Variants in SERPINA7 observed in about 807,000 individuals in gnomAD.
SERPINA7 encodes serpin family A member 7, also known as thyroxine-binding globulin.
Under a neutral mutation model 16.0 loss-of-function variants are expected in SERPINA7, and 14 were observed. The ratio of observed to expected loss-of-function variants is 0.88; its 90% CI spans 0.58 to 1.37. SERPINA7 has a LOEUF of 1.37. Ranked by LOEUF, SERPINA7 falls within the 40% of genes most tolerant of loss-of-function variation. SERPINA7 has a pLI of 0.00. For missense variants in SERPINA7, 335 were observed against 296.6 expected (o/e 1.13, Z -0.95); for synonymous variants, 140 against 111.0 (o/e 1.26, Z -1.65).
chrX:106,033,494 T>C lies in SERPINA7; in HGVS notation c.*6A>G, dbSNP rs1007686733. ...ACGTGCAATTAGCCAATGGCCTTTT[T>C]CCCAACTACGCTTCCGTTGGGTTCA... is the stretch of plus-strand genomic sequence containing the variant. On this transcript the variant is annotated 3_prime_UTR_variant, in exon 5 of 5. Coordinates refer to ENST00000372563, the MANE Select transcript of SERPINA7 (RefSeq NM_000354.6). 4.1e-5 allele frequency: 49 copies of C among 1,208,878 alleles called. No individual in the cohort carries two copies. Among genetic ancestry groups the C allele is most frequent in the Non-Finnish European group, 5.3e-5 (47 of 894,253 alleles).
chrX:106,032,880 A>G lies in SERPINA7; in HGVS notation c.*620T>C, dbSNP rs1041503516. On this transcript the variant is annotated 3_prime_UTR_variant, in exon 5 of 5. Coordinates refer to ENST00000372563, the MANE Select transcript of SERPINA7 (RefSeq NM_000354.6). ...GCTTATACATTGGCAAGGTGGAAGT[A>G]TGTTTTCTTGGGGGGAAGGTGGGGT... The G allele has an allele frequency of 1.8e-5, 2 of 114,071 alleles. No individual in the cohort carries two copies. The highest frequency in any genetic ancestry group is 3.7e-5 in the Non-Finnish European group (2 of 54,790). The allele number at this position is 114,071 out of a possible 1,213,427, so 9.4% of individuals were successfully genotyped here.
rs1470947153 is a variant in SERPINA7, at chrX:106,033,070, A to G, written c.*430T>C. 2 of 177,653 alleles carry G rather than the reference A, an allele frequency of 1.1e-5. No homozygotes were observed. Among genetic ancestry groups the G allele is most frequent in the Non-Finnish European group, 2.1e-5 (2 of 95,726 alleles). 14.6% of individuals were successfully genotyped at this position (177,653 alleles called of 1,213,427 possible). A position where few individuals can be genotyped will look rare whatever the true frequency, so the allele number is the denominator to read the frequency against. ...GAATCCTACTAATGGGACAGTGGGA[A>G]GGGGGTTGAGAAGTTCACATATAAG... On this transcript the variant is annotated 3_prime_UTR_variant, in exon 5 of 5. Coordinates refer to ENST00000372563, the MANE Select transcript of SERPINA7 (RefSeq NM_000354.6).
intron 4 of SERPINA7, 114 bp downstream of exon 4, chrX:106,034,121 A>C (rs2041429666): frequency 1.6e-4 from 121 of 736,817 alleles, no homozygotes; most frequent in Non-Finnish European, 2.4e-4. Flanking sequence ...AGGAGGAGTC[A>C]CACCGCCTCT....
chrX:106,034,832 T>C (rs1179036610), intron 3 of SERPINA7, among the ~76,000 whole-genome samples: 6 of 111,832 alleles, frequency 5.4e-5, no homozygotes, highest in African/African-American at 2.0e-4. Flanking sequence ...AGGCTGACTT[T>C]GGGGAGCTCA....
Position 106,036,768 on chromosome X carries a change from C to T in SERPINA7, c.291G>A (p.Gly97=), listed in dbSNP as rs1326357939. ...STQTEIVETL[G]FNLTDTPMVE... ...CCATTGGAGTGTCTGTGAGGTTGAACCCCAAGGTCTCCACAATCTCAGTTT... is the reference window on the plus strand; with the variant it reads ...CCATTGGAGTGTCTGTGAGGTTGAATCCCAAGGTCTCCACAATCTCAGTTT... The change falls in exon 2 of 5, where the codon GGG becomes GGA. Residue 97 remains glycine, a synonymous_variant. Coordinates refer to ENST00000372563, the MANE Select transcript of SERPINA7 (RefSeq NM_000354.6). 1 of 1,208,798 alleles carries T rather than the reference C, an allele frequency of 8.3e-7. No homozygotes were observed. Among genetic ancestry groups the T allele is most frequent in the Non-Finnish European group, 1.1e-6 (1 of 894,724 alleles).
chrX:106,032,735 G>A lies in SERPINA7; in HGVS notation c.*765C>T, dbSNP rs1475104149. 9.0e-6 allele frequency: 1 copy of A among 111,594 alleles called. No individual in the cohort carries two copies. Among genetic ancestry groups the A allele is most frequent in the Non-Finnish European group, 1.9e-5 (1 of 53,134 alleles). The allele number at this position is 111,594 out of a possible 1,213,427, so 9.2% of individuals were successfully genotyped here. On this transcript the variant is annotated 3_prime_UTR_variant, in exon 5 of 5. Transcript: ENST00000372563. The stretch of plus-strand genomic sequence containing the variant: ...TCAGTGAAATTAGAGCCAAAAAGGA[G>A]ATTCCTACTTAAACAAGTGGGACAG...
chrX:106,036,575 C>A lies in SERPINA7; in HGVS notation c.484G>T (p.Asp162Tyr), dbSNP rs202158938. Residue 162 changes from aspartate (D) to tyrosine (Y), a missense_variant, in exon 2 of 5, where the codon GAC becomes TAC. Physicochemically the swap from Asp to Tyr is radical, Grantham distance 160. Coordinates refer to ENST00000372563, the MANE Select transcript of SERPINA7 (RefSeq NM_000354.6). Reference protein sequence around the residue: ...TLYETEVFSTDFSNISAAKQE... With the variant: ...TLYETEVFSTYFSNISAAKQE... ...TTGGCTGCAGAAATGTTGGAGAAGT[C>A]GGTAGAAAAGACTTCAGTCTCATAG... 1 of 1,210,991 alleles carries A rather than the reference C, an allele frequency of 8.3e-7. No individual in the cohort carries two copies. Among genetic ancestry groups the A allele is most frequent in the Non-Finnish European group, 1.1e-6 (1 of 895,136 alleles).
rs1427634820 is a variant in SERPINA7, at chrX:106,033,149, C to T, written c.*351G>A. On this transcript the variant is annotated 3_prime_UTR_variant, in exon 5 of 5. Coordinates refer to ENST00000372563, the MANE Select transcript of SERPINA7 (RefSeq NM_000354.6). ...TTGATCTTATTGGAGTACTGGGATA[C>T]GAAGACCTGACCTGCTTTTTAGCTA... The T allele has an allele frequency of 2.6e-5, 7 of 264,445 alleles. No homozygotes were observed. The highest frequency in any genetic ancestry group is 8.9e-5 in the South Asian group (2 of 22,556). The allele number at this position is 264,445 out of a possible 1,213,427, so 21.8% of individuals were successfully genotyped here.
intron 1 of SERPINA7, 118 bp downstream of exon 1, chrX:106,038,580 C>A (rs2041468914): frequency 9.0e-6 from 1 of 111,232 alleles, no homozygotes. Flanking sequence ...CACACTTAGA[C>A]CTTCACCCCT....
rs1407163553 is a variant in SERPINA7, at chrX:106,038,685, A to G, written c.-18+13T>C. 1 of 111,843 alleles carries G rather than the reference A, an allele frequency of 8.9e-6. No individual in the cohort carries two copies. Among genetic ancestry groups the G allele is most frequent in the Non-Finnish European group, 1.9e-5 (1 of 53,138 alleles). The allele number at this position is 111,843 out of a possible 1,213,427, so 9.2% of individuals were successfully genotyped here. On this transcript the variant is annotated intron_variant, in intron 1 of 4. Coordinates refer to ENST00000372563, the MANE Select transcript of SERPINA7 (RefSeq NM_000354.6). ...AGATGTTCAAAGTTTCCAAAGAGAA[A>G]AAAAGTACTTACAGCAAATGCCCAA...
At position 106,035,120 on chromosome X, in the gene SERPINA7, T is replaced by C. The variant is rs1398775154; in HGVS notation, c.888A>G (p.Leu296=). ...SKTLKKWNRL[L]QKGWVDLFVP... ...TCCTCTAAGGCATTTACCCCTTCTG[T>C]AGTAAGCGGTTCCACTTCTTCAGTG... Residue 296 remains leucine, a synonymous_variant, in exon 3 of 5, where the codon CTA becomes CTG. Coordinates refer to ENST00000372563, the MANE Select transcript of SERPINA7 (RefSeq NM_000354.6). 8.3e-7 allele frequency: 1 copy of C among 1,211,307 alleles called. No homozygotes were observed. Among genetic ancestry groups the C allele is most frequent in the South Asian group, 1.8e-5 (1 of 56,975 alleles).
rs1321383596 is a variant in SERPINA7 at position 106,033,568 on chromosome X, A to G, written c.1180T>C (p.Leu394=). ...CTCCTTGTGCTTCTCTCCAAAATCAACAACATGAAAGATCTATCAATTTGG... is the reference window on the plus strand; with the variant it reads ...CTCCTTGTGCTTCTCTCCAAAATCAGCAACATGAAAGATCTATCAATTTGG... ...IIQIDRSFML[L]ILERSTRSIL... The change falls in exon 5 of 5, where the codon TTG becomes CTG. Residue 394 remains leucine (L), a synonymous_variant. Coordinates refer to ENST00000372563, the MANE Select transcript of SERPINA7 (RefSeq NM_000354.6). 9 of 1,209,335 alleles carry G rather than the reference A, an allele frequency of 7.4e-6. 1 individual carries two copies. Among genetic ancestry groups the G allele is most frequent in the Non-Finnish European group, 1.0e-5 (9 of 894,488 alleles).
chrX:106,034,440 T>G, intron 3 of SERPINA7, 58 bp from the exon 4 acceptor site: 6 of 985,031 alleles, frequency 6.1e-6, no homozygotes, highest in Middle Eastern at 2.6e-4. Flanking sequence ...TATGATTCTC[T>G]CCTTCTCTCT....
chrX:106,037,133 T>C lies in SERPINA7; in HGVS notation c.-17-58A>G, dbSNP rs1356464812. The stretch of plus-strand genomic sequence containing the variant: ...GAGCTTAGTTGGATGAAACACTCCC[T>C]GAGCCAGAGACACATAATAACCACC... On this transcript the variant is annotated intron_variant, in intron 1 of 4. Coordinates refer to ENST00000372563, the MANE Select transcript of SERPINA7 (RefSeq NM_000354.6). 4 of 956,487 alleles carry C rather than the reference T, an allele frequency of 4.2e-6. No individual in the cohort carries two copies. The Admixed American group carries it at 6.7e-5, about 16-fold the overall frequency. The allele number at this position is 956,487 out of a possible 1,213,427, so 78.8% of individuals were successfully genotyped here.
Position 106,033,240 on chromosome X carries a change from A to T in SERPINA7, c.*260T>A, listed in dbSNP as rs1056044927. 3 of 382,872 alleles carry T rather than the reference A, an allele frequency of 7.8e-6. No homozygotes were observed. Among genetic ancestry groups the T allele is most frequent in the Admixed American group, 4.4e-5 (1 of 22,855 alleles). 31.6% of individuals were successfully genotyped at this position (382,872 alleles called of 1,213,427 possible). The stretch of plus-strand genomic sequence containing the variant: ...CAAATTTATTAGAGCAAATGAGTTG[A>T]GGGGTATTCTGACAAAGAGAAATAT... On this transcript the variant is annotated 3_prime_UTR_variant, in exon 5 of 5. Coordinates refer to ENST00000372563, the MANE Select transcript of SERPINA7 (RefSeq NM_000354.6).
chrX:106,035,979 A>C (rs2041446180), intron 2 of SERPINA7, among the ~76,000 whole-genome samples: 1 of 112,382 alleles, frequency 8.9e-6, no homozygotes, highest in Non-Finnish European at 1.9e-5. Flanking sequence ...TGATTGAGAC[A>C]GTGTGTGTAT....
In SERPINA7 at chrX:106,033,334, A is replaced by G. The variant is rs1220801298; in HGVS notation, c.*166T>C. The G allele has an allele frequency of 2.2e-5, 12 of 554,759 alleles. No individual in the cohort carries two copies. The highest frequency in any genetic ancestry group is 5.0e-5 in the Admixed American group (2 of 40,017). The allele number at this position is 554,759 out of a possible 1,213,427, so 45.7% of individuals were successfully genotyped here. On this transcript the variant is annotated 3_prime_UTR_variant, in exon 5 of 5. Coordinates refer to ENST00000372563, the MANE Select transcript of SERPINA7 (RefSeq NM_000354.6). ...TCATTGACATTCTGAATGCTCTGCC[A>G]TAGGATTGGCCTCTTCCACAGCCAA...
Position 106,033,245 on chromosome X carries a change from T to A in SERPINA7, c.*255A>T, listed in dbSNP as rs1452601426. ...TTATTAGAGCAAATGAGTTGAGGGGTATTCTGACAAAGAGAAATATACAAA... is the reference window on the plus strand; with the variant it reads ...TTATTAGAGCAAATGAGTTGAGGGGAATTCTGACAAAGAGAAATATACAAA... On this transcript the variant is annotated 3_prime_UTR_variant, in exon 5 of 5. Transcript: ENST00000372563. 3.4e-5 allele frequency: 13 copies of A among 388,037 alleles called. No individual in the cohort carries two copies. Among genetic ancestry groups the A allele is most frequent in the African/African-American group, 3.3e-4 (13 of 39,164 alleles). The allele number at this position is 388,037 out of a possible 1,213,427, so 32.0% of individuals were successfully genotyped here. A position where few individuals can be genotyped will look rare whatever the true frequency, so the allele number is the denominator to read the frequency against.
intron 2 of SERPINA7, among the ~76,000 whole-genome samples, chrX:106,035,768 G>A (rs2041444729): frequency 2.7e-5 from 3 of 112,253 alleles, no homozygotes; most frequent in Non-Finnish European, 5.6e-5. Context: ...TGTGGTTTGT[G>A]GCCGACAATT....
Sources: gnomAD v4.1 joint callset for allele counts (sites outside exome capture counted in the v4.1 genomes callset) on GRCh38, gnomAD v4.1.1 for gene constraint, MANE v1.5 for transcripts, NCBI Gene and HGNC (gene_info 2026-07-23, HGNC 2026-07-21) for gene names.